Variants in GPRC6A observed in about 807,000 individuals in gnomAD.
GPRC6A encodes G protein-coupled receptor family C group 6 member A.
In GPRC6A, 54 loss-of-function variants were observed where a neutral mutation model predicts 47.0. That is an observed-to-expected ratio of 1.15 (90% CI 0.92 to 1.44). GPRC6A has a LOEUF of 1.44. Ranked by LOEUF, GPRC6A falls within the 40% of genes most tolerant of loss-of-function variation. The pLI is 0.00. For synonymous variants in GPRC6A, 347 were observed against 377.1 expected (o/e 0.92, Z 0.93); for missense variants, 1,112 against 1,105.5 (o/e 1.01, Z -0.08).
chr6:116,813,687 C>A (rs1773105618), intron 1 of GPRC6A, among the ~76,000 whole-genome samples: 1 of 152,204 alleles, frequency 6.6e-6, no homozygotes, highest in Non-Finnish European at 1.5e-5. Context: ...CCATTCAGGA[C>A]ATAGGCATGG....
At position 116,807,054 on chromosome 6, in the gene GPRC6A, A is replaced by T. The variant is rs769295668; in HGVS notation, c.651T>A (p.Asp217Glu). 23 of 1,613,672 alleles carry T rather than the reference A, an allele frequency of 1.4e-5. No individual in the cohort carries two copies. The Admixed American group carries it at 3.2e-4, about 22-fold the overall frequency. ...GWNWIGIITT[D>E]DDYGRLALNT... ...TAAGAGCCAATCGTCCATAGTCATCATCTGTGGTTATGATGCCAATCCAGT... is the reference window on the plus strand; with the variant it reads ...TAAGAGCCAATCGTCCATAGTCATCTTCTGTGGTTATGATGCCAATCCAGT... Residue 217 changes from aspartate to glutamate, a missense_variant, in exon 3 of 6, where the codon GAT (aspartate) becomes GAA (glutamate). Asp to Glu is a conservative substitution (Grantham distance 45, BLOSUM62 2). Coordinates refer to ENST00000310357, the MANE Select transcript of GPRC6A (RefSeq NM_148963.4).
rs1368504033 is a variant in GPRC6A at position 116,819,839 on chromosome 6, G to T, written c.194+8981C>A. ...CAAACACATTCAATAGCTAGCAGAA[G>T]GCAAGAAATAACTAAAATCAGAGCA... On this transcript the variant is annotated intron_variant, in intron 1 of 5. Coordinates refer to ENST00000310357, the MANE Select transcript of GPRC6A (RefSeq NM_148963.4). Among the ~76,000 whole-genome samples the T allele has an allele frequency of 2.0e-5, 3 of 150,106 alleles. No individual in the cohort carries two copies. The East Asian group carries it at 5.8e-4, about 29-fold the overall frequency.
At chr6:116,795,617 T>G (rs1461518475) in intron 5 of GPRC6A, 95 bp downstream of exon 5, 43 of 1,073,238 alleles carry the variant, frequency 4.0e-5, no homozygotes, top group Non-Finnish European at 5.4e-5. Context: ...TTTTTAAATT[T>G]TTTCAAATGA....
chr6:116,816,817 C>T (rs150559237), intron 1 of GPRC6A, among the ~76,000 whole-genome samples: 455 of 152,352 alleles, frequency 3.0e-3, no homozygotes, highest in African/African-American at 0.01. Flanking sequence ...CCGAATACTG[C>T]GCTTTTCTGA....
intron 3 of GPRC6A, among the ~76,000 whole-genome samples, chr6:116,805,719 T>C (rs1486744707): frequency 6.6e-6 from 1 of 152,072 alleles, no homozygotes; most frequent in East Asian, 1.9e-4. Context: ...TTACACACAA[T>C]TGCTGGTTTC....
intron 1 of GPRC6A, 57 bp from the exon 2 acceptor site, chr6:116,809,674 T>A (rs1340174205): frequency 3.2e-6 from 4 of 1,266,436 alleles, no homozygotes; most frequent in African/African-American, 1.5e-5. Context: ...TGGACATGGC[T>A]GTATCTCATT....
At chr6:116,810,172 C>T (rs563014414) in intron 1 of GPRC6A, among the ~76,000 whole-genome samples, 2 of 152,196 alleles carry the variant, frequency 1.3e-5, no homozygotes, top group South Asian at 4.1e-4. Flanking sequence ...TTCCAGAGCA[C>T]TGAGTTGTCT....
intron 1 of GPRC6A, among the ~76,000 whole-genome samples, chr6:116,821,804 G>T (rs1353430201): frequency 6.6e-6 from 1 of 151,230 alleles, no homozygotes; most frequent in African/African-American, 2.4e-5. Flanking sequence ...GCATGGGCAA[G>T]GACTTCATGT....
intron 5 of GPRC6A, among the ~76,000 whole-genome samples, chr6:116,794,880 T>C (rs1352807647): frequency 2.0e-5 from 3 of 152,104 alleles, no homozygotes; most frequent in Admixed American, 6.6e-5. Context: ...TAACAGAACA[T>C]GAATCTTGGA....
intron 1 of GPRC6A, among the ~76,000 whole-genome samples, chr6:116,809,833 G>A (rs905367193): frequency 1.3e-5 from 2 of 152,072 alleles, no homozygotes; most frequent in Non-Finnish European, 1.5e-5. Context: ...TATGCTACAG[G>A]ATTTAACCTT....
At chr6:116,804,090 C>G (rs1476281045) in intron 3 of GPRC6A, among the ~76,000 whole-genome samples, 2 of 152,036 alleles carry the variant, frequency 1.3e-5, no homozygotes, top group Non-Finnish European at 2.9e-5. Flanking sequence ...GGCATTCTTT[C>G]TTTTCTCATA....
In GPRC6A at chr6:116,806,960, GAA is replaced by G. The variant is rs1249649748; in HGVS notation, c.743_744del (p.Phe248SerfsTer4). 1 of 1,613,450 alleles carries G rather than the reference GAA, an allele frequency of 6.2e-7. No individual in the cohort carries two copies. Among genetic ancestry groups the G allele is most frequent in the Non-Finnish European group, 8.5e-7 (1 of 1,179,716 alleles). ...CTGACTTCAATGGTATTATCTGAAA[GAA>G]AGGCTGGAAGAACCTCTTTGAAGGC... ...CIAFKEVLPAFLSDNTIEVRI... is the reference protein window; with the variant it reads ...CIAFKEVLPAXLSDNTIEVRI... On this transcript the variant is annotated frameshift_variant, in exon 3 of 6. Transcript: ENST00000310357. LOFTEE classifies it high-confidence loss of function.
chr6:116,799,877 T>C (rs532670772), intron 4 of GPRC6A, among the ~76,000 whole-genome samples: 215 of 152,194 alleles, frequency 1.4e-3, no homozygotes, highest in Non-Finnish European at 2.1e-3. Context: ...GAGCTGACCT[T>C]GACTAGGGGC....
chr6:116,803,948 G>A (rs1772758576), intron 3 of GPRC6A, among the ~76,000 whole-genome samples: 1 of 151,932 alleles, frequency 6.6e-6, no homozygotes, highest in African/African-American at 2.4e-5. Context: ...ATATATCAAT[G>A]GACAGATAAT....
intron 4 of GPRC6A, among the ~76,000 whole-genome samples, 189 bp from the exon 5 acceptor site, chr6:116,796,024 G>A (rs748105710): frequency 3.3e-5 from 5 of 151,998 alleles, no homozygotes; most frequent in African/African-American, 9.7e-5. Context: ...GCTGCTTTAC[G>A]AAGAACACAG....
Position 116,792,114 on chromosome 6 carries a change from CTGGAATG to C in GPRC6A, c.*21_*27del. The C allele has an allele frequency of 6.4e-7, 1 of 1,557,380 alleles. No individual in the cohort carries two copies. The highest frequency in any genetic ancestry group is 8.7e-7 in the Non-Finnish European group (1 of 1,147,444). ...GCAAAGACCCTGGAAACATTTTATT[CTGGAATG>C]TGGCATCTCCTAAGGCTTATTCATA... On this transcript the variant is annotated 3_prime_UTR_variant, in exon 6 of 6. Transcript: ENST00000310357.
chr6:116,811,046 A>G (rs1388981097), intron 1 of GPRC6A, among the ~76,000 whole-genome samples: 3 of 152,196 alleles, frequency 2.0e-5, no homozygotes, highest in African/African-American at 7.2e-5. Flanking sequence ...GCCCTGGGAC[A>G]CAATGATGGG....
At chr6:116,819,690 C>G (rs892426501) in intron 1 of GPRC6A, among the ~76,000 whole-genome samples, 8 of 152,238 alleles carry the variant, frequency 5.3e-5, no homozygotes, top group African/African-American at 1.9e-4. Context: ...ACCAGAGTCT[C>G]TGGGACACAT....
intron 1 of GPRC6A, among the ~76,000 whole-genome samples, chr6:116,812,250 C>T (rs919105014): frequency 2.0e-5 from 3 of 152,072 alleles, no homozygotes; most frequent in African/African-American, 7.2e-5. Context: ...CCCTGCCAGC[C>T]AAGGATACTA....
Sources: allele counts gnomAD v4.1 joint callset (sites outside exome capture counted in the v4.1 genomes callset), GRCh38; gene constraint gnomAD v4.1.1; transcripts MANE v1.5; gene names NCBI Gene and HGNC (gene_info 2026-07-23, HGNC 2026-07-21).